Variants in CTNNA2 observed in about 807,000 individuals in gnomAD.
CTNNA2 encodes catenin alpha-2.
CTNNA2 carries 42 observed loss-of-function variants against 101.0 expected under a neutral mutation model. The observed-to-expected ratio is 0.42, with a 90% CI of 0.32 to 0.54. CTNNA2 has a LOEUF of 0.54. CTNNA2 is among the 20% of genes least tolerant of loss of function. CTNNA2 has a pLI of 0.14. For synonymous variants in CTNNA2, 450 were observed against 456.4 expected (o/e 0.99, Z 0.18); for missense variants, 871 against 1,223.1 (o/e 0.71, Z 4.29).
At chr2:80,416,242 G>A (rs921534036) in intron 8 of CTNNA2, among the ~76,000 whole-genome samples, 3 of 151,882 alleles carry the variant, frequency 2.0e-5, no homozygotes, top group African/African-American at 7.3e-5. Context: ...AGCTATATGA[G>A]GTAATGTATA....
chr2:80,199,050 G>T (rs1401735493), intron 7 of CTNNA2, among the ~76,000 whole-genome samples: 2 of 151,790 alleles, frequency 1.3e-5, no homozygotes, highest in East Asian at 3.9e-4. Flanking sequence ...GTGTGGTGGT[G>T]CATGCCTGTA....
At chr2:80,470,979 C>G (rs1450917871) in intron 9 of CTNNA2, among the ~76,000 whole-genome samples, 2 of 151,988 alleles carry the variant, frequency 1.3e-5, no homozygotes, top group African/African-American at 4.8e-5. Context: ...AGGGGGGTTT[C>G]CAGCCCAGAA....
intron 9 of CTNNA2, among the ~76,000 whole-genome samples, chr2:80,516,696 A>G (rs766342749): frequency 6.6e-6 from 1 of 152,226 alleles, no homozygotes; most frequent in African/African-American, 2.4e-5. Context: ...TTAACCATTC[A>G]CAGTCCTGAT....
At chr2:79,852,867 G>A (rs560764755) in intron 3 of CTNNA2, among the ~76,000 whole-genome samples, 17 of 152,286 alleles carry the variant, frequency 1.1e-4, no homozygotes, top group Admixed American at 1.0e-3. Flanking sequence ...TGGGATTACA[G>A]GCGTGAGCCA....
intron 7 of CTNNA2, among the ~76,000 whole-genome samples, chr2:79,959,875 A>C (rs543983277): frequency 3.8e-4 from 58 of 152,342 alleles, no homozygotes; most frequent in African/African-American, 1.3e-3. Flanking sequence ...ATGGTGAGCT[A>C]TAAAGCTCTG....
At chr2:79,894,057 T>C (rs868159597) in intron 6 of CTNNA2, among the ~76,000 whole-genome samples, 310 of 74,796 alleles carry the variant, frequency 4.1e-3, no homozygotes, top group African/African-American at 0.017. Flanking sequence ...CTTCTTCTTC[T>C]TCTTCTTCCT....
intron 7 of CTNNA2, among the ~76,000 whole-genome samples, chr2:80,181,989 T>C (rs1470179972): frequency 6.6e-6 from 1 of 152,180 alleles, no homozygotes; most frequent in Non-Finnish European, 1.5e-5. Context: ...TGACAACATC[T>C]GTGTTAGTCT....
intron 4 of CTNNA2, among the ~76,000 whole-genome samples, chr2:79,486,585 T>C (rs1349667262): frequency 6.6e-6 from 1 of 152,188 alleles, no homozygotes; most frequent in East Asian, 1.9e-4. Flanking sequence ...TTTGGGTATA[T>C]ACCCAGTAAT....
rs116207264 is a variant in CTNNA2 at position 80,136,213 on chromosome 2, T to G, written c.1056+226416T>G. Reference sequence around the variant, plus strand: ...ATGCATAATGACTGTTCTTGATGCATAGGCCTGCGGAGGAGGCAAGAGCAT... The same window carrying G: ...ATGCATAATGACTGTTCTTGATGCAGAGGCCTGCGGAGGAGGCAAGAGCAT... On this transcript the variant is annotated intron_variant, in intron 7 of 18. Transcript: ENST00000402739. Among the ~76,000 whole-genome samples, 300 of 152,256 alleles carry G rather than the reference T, an allele frequency of 2.0e-3. 1 individual carries two copies. Among genetic ancestry groups the G allele is most frequent in the African/African-American group, 7.0e-3 (290 of 41,566 alleles).
intron 2 of CTNNA2, among the ~76,000 whole-genome samples, chr2:79,244,333 T>C (rs1198144923): frequency 1.3e-5 from 2 of 152,220 alleles, no homozygotes; most frequent in Non-Finnish European, 2.9e-5. Flanking sequence ...TATAGACAAA[T>C]GTTTGGTGCA....
At chr2:80,268,476 A>G (rs1466957499) in intron 7 of CTNNA2, among the ~76,000 whole-genome samples, 1 of 152,148 alleles carries the variant, frequency 6.6e-6, no homozygotes, top group Non-Finnish European at 1.5e-5. Flanking sequence ...ATTGGTTTTC[A>G]TTTAGGAGTA....
chr2:80,026,029 G>A (rs186303379), intron 7 of CTNNA2, among the ~76,000 whole-genome samples: 2 of 152,016 alleles, frequency 1.3e-5, no homozygotes, highest in African/African-American at 4.8e-5. Flanking sequence ...GTGTCACAGC[G>A]GGGAAGGGGG....
At chr2:79,265,055 C>T (rs190119093) in intron 2 of CTNNA2, among the ~76,000 whole-genome samples, 69 of 152,214 alleles carry the variant, frequency 4.5e-4, no homozygotes, top group African/African-American at 1.6e-3. Context: ...AAGATTTAGC[C>T]TCTCATCCAT....
chr2:80,239,449 C>T (rs947616715), intron 7 of CTNNA2, among the ~76,000 whole-genome samples: 1 of 152,138 alleles, frequency 6.6e-6, no homozygotes, highest in Non-Finnish European at 1.5e-5. Flanking sequence ...GAAGCAAATA[C>T]AATAGCCCCC....
At chr2:79,376,316 T>C (rs1677974207) in intron 4 of CTNNA2, among the ~76,000 whole-genome samples, 1 of 152,144 alleles carries the variant, frequency 6.6e-6, no homozygotes. Context: ...CTGCTTGTGT[T>C]CCAACTGATT....
chr2:80,090,739 C>T (rs528687037), intron 7 of CTNNA2, among the ~76,000 whole-genome samples: 1 of 152,054 alleles, frequency 6.6e-6, no homozygotes, highest in Non-Finnish European at 1.5e-5. Context: ...TGAAAATAGT[C>T]ATGTCTAGGT....
chr2:79,724,433 G>A (rs1247582068), intron 2 of CTNNA2, among the ~76,000 whole-genome samples: 1 of 151,980 alleles, frequency 6.6e-6, no homozygotes, highest in Non-Finnish European at 1.5e-5. Context: ...AACAACAGGA[G>A]GATGGTCTGC....
chr2:80,330,284 G>A (rs1298340040), intron 7 of CTNNA2, among the ~76,000 whole-genome samples: 1 of 152,202 alleles, frequency 6.6e-6, no homozygotes, highest in Non-Finnish European at 1.5e-5. Flanking sequence ...AGTACCTGCT[G>A]AGCGTCAATT....
chr2:80,598,966 C>T (rs981391902), intron 15 of CTNNA2, among the ~76,000 whole-genome samples: 1 of 152,060 alleles, frequency 6.6e-6, no homozygotes, highest in African/African-American at 2.4e-5. Context: ...TATACTTACA[C>T]AAGTGCATAA....
Sources: gnomAD v4.1 joint callset for allele counts (sites outside exome capture counted in the v4.1 genomes callset) on GRCh38, gnomAD v4.1.1 for gene constraint, MANE v1.5 for transcripts, NCBI Gene and HGNC (gene_info 2026-07-23, HGNC 2026-07-21) for gene names.